PDE1A: variants seen among roughly 807,000 people sequenced by gnomAD.
The protein encoded by PDE1A is dual specificity calcium/calmodulin-dependent 3',5'-cyclic nucleotide phosphodiesterase 1A.
PDE1A carries 35 observed loss-of-function variants against 61.7 expected under a neutral mutation model. That is an observed-to-expected ratio of 0.57 (90% CI 0.43 to 0.75). The LOEUF (loss-of-function observed/expected upper bound fraction) is 0.75. Among genes scored for constraint, PDE1A ranks in the 30% least tolerant of loss-of-function variants. The pLI is 0.00. For missense variants in PDE1A, 597 were observed against 630.6 expected (o/e 0.95, Z 0.57); for synonymous variants, 232 against 213.2 (o/e 1.09, Z -0.77).
At chr2:182,299,689 G>C (rs1462345341) in intron 1 of PDE1A, among the ~76,000 whole-genome samples, 2 of 151,934 alleles carry the variant, frequency 1.3e-5, no homozygotes, top group Admixed American at 1.3e-4. Flanking sequence ...GAAAGCCTCT[G>C]ATATACAGTA....
the PDE1A span, among the ~76,000 whole-genome samples, chr2:182,658,824 T>G: frequency 6.6e-6 from 1 of 152,224 alleles, no homozygotes; most frequent in Non-Finnish European, 1.5e-5. Context: ...GAAGTTTCTC[T>G]TTGTATGCAT....
chr2:182,471,021 AT>A (rs1377437981), intron 2 of PDE1A, among the ~76,000 whole-genome samples: 2 of 151,868 alleles, frequency 1.3e-5, no homozygotes, highest in Non-Finnish European at 2.9e-5. Context: ...ATATACACTT[AT>A]CTAAAAAACC....
chr2:182,645,716 A>T, the PDE1A span, among the ~76,000 whole-genome samples: 1 of 152,242 alleles, frequency 6.6e-6, no homozygotes, highest in Admixed American at 6.5e-5. Flanking sequence ...AAGAAAAAAA[A>T]TTAATATATG....
At chr2:182,369,816 C>T (rs947384919) in intron 1 of PDE1A, among the ~76,000 whole-genome samples, 3 of 152,096 alleles carry the variant, frequency 2.0e-5, no homozygotes, top group African/African-American at 7.2e-5. Flanking sequence ...AAGTGTAGTG[C>T]AAATGGAAGG....
chr2:182,619,721 T>A, the PDE1A span, among the ~76,000 whole-genome samples: 2 of 152,198 alleles, frequency 1.3e-5, no homozygotes, highest in Non-Finnish European at 2.9e-5. Context: ...AGGAGTTTCA[T>A]GCCACTGAGT....
rs148263512 is a variant in PDE1A at position 182,237,947 on chromosome 2, A to G, written c.350+2163T>C. Reference sequence around the variant, plus strand: ...CTAACCAGGCTCAAGTGAATTGGGAAACCTTCTGGTGGTTTGAAGCTTAAG... The same window carrying G: ...CTAACCAGGCTCAAGTGAATTGGGAGACCTTCTGGTGGTTTGAAGCTTAAG... On this transcript the variant is annotated intron_variant, in intron 3 of 13. Coordinates refer to ENST00000351439, the Ensembl canonical transcript of PDE1A. Among the ~76,000 whole-genome samples, 34 of 152,266 alleles carry G rather than the reference A, an allele frequency of 2.2e-4. No individual in the cohort carries two copies. The East Asian group carries it at 6.2e-3, about 28-fold the overall frequency.
chr2:182,581,205 A>G, the PDE1A span, among the ~76,000 whole-genome samples: 326 of 152,306 alleles, frequency 2.1e-3, 2 homozygotes, highest in African/African-American at 6.9e-3. Context: ...ATTGTTGCAC[A>G]AAGTCAGTGA....
chr2:182,630,410 C>A, the PDE1A span, among the ~76,000 whole-genome samples: 1 of 152,126 alleles, frequency 6.6e-6, no homozygotes, highest in Non-Finnish European at 1.5e-5. Flanking sequence ...ATGTTAAATT[C>A]TCATCCATAC....
intron 1 of PDE1A, among the ~76,000 whole-genome samples, chr2:182,353,741 A>C (rs571659828): frequency 6.6e-6 from 1 of 152,182 alleles, no homozygotes; most frequent in East Asian, 1.9e-4. Context: ...AGAATAAAAT[A>C]CTCACTACAT....
At chr2:182,345,686 C>G (rs1698477459) in intron 1 of PDE1A, among the ~76,000 whole-genome samples, 2 of 152,124 alleles carry the variant, frequency 1.3e-5, no homozygotes, top group Non-Finnish European at 1.5e-5. Context: ...TGGTTGTTTC[C>G]TCTGCCAGGA....
At chr2:182,491,682 A>T (rs2125884285) in intron 2 of PDE1A, among the ~76,000 whole-genome samples, 1 of 152,246 alleles carries the variant, frequency 6.6e-6, no homozygotes, top group South Asian at 2.1e-4. Context: ...AATACACCTG[A>T]TCTTGTCTGC....
intron 2 of PDE1A, among the ~76,000 whole-genome samples, chr2:182,504,116 C>T (rs11695445): frequency 0.052 from 7,923 of 152,250 alleles, 248 homozygotes; most frequent in Middle Eastern, 0.099. Context: ...GTGTGACTCA[C>T]GCTGTATACA....
intron 2 of PDE1A, among the ~76,000 whole-genome samples, chr2:182,454,648 G>A (rs1479702636): frequency 2.6e-5 from 4 of 151,610 alleles, no homozygotes; most frequent in Non-Finnish European, 4.4e-5. Flanking sequence ...TGACAAACCT[G>A]ACAAAAACAA....
chr2:182,230,090 C>T (rs776224326), exon 6 of PDE1A: 1 of 1,612,854 alleles, frequency 6.2e-7, no homozygotes, highest in South Asian at 1.1e-5. Context: ...GATTTTTGTA[C>T]TTGCTGTAAC....
At chr2:182,700,241 C>A in the PDE1A span, among the ~76,000 whole-genome samples, 3 of 152,214 alleles carry the variant, frequency 2.0e-5, no homozygotes, top group Admixed American at 2.0e-4. Flanking sequence ...TTCCAAAATA[C>A]AACACACAGC....
chr2:182,161,572 A>G (rs955648828), intron 13 of PDE1A, among the ~76,000 whole-genome samples: 2 of 152,118 alleles, frequency 1.3e-5, no homozygotes, highest in Admixed American at 6.5e-5. Context: ...CCCCTGCAGC[A>G]GTTGCCGGGC....
intron 13 of PDE1A, among the ~76,000 whole-genome samples, chr2:182,147,889 A>G (rs1271538730): frequency 6.6e-6 from 1 of 152,218 alleles, no homozygotes; most frequent in African/African-American, 2.4e-5. Context: ...AAGATATTCT[A>G]ACAATTAAAC....
the PDE1A span, among the ~76,000 whole-genome samples, chr2:182,708,713 TGAGTGGGGACACA>T: frequency 2.6e-5 from 4 of 152,126 alleles, no homozygotes; most frequent in Admixed American, 6.5e-5. Flanking sequence ...AGATGAGATT[TGAGTGGGGACACA>T]GAGCCAAACC....
chr2:182,573,531 A>G, the PDE1A span, among the ~76,000 whole-genome samples: 2 of 152,152 alleles, frequency 1.3e-5, no homozygotes, highest in Non-Finnish European at 2.9e-5. Context: ...CAACAACAAA[A>G]TGCAATGCAG....
Sources: allele counts gnomAD v4.1 joint callset (sites outside exome capture counted in the v4.1 genomes callset), GRCh38; gene constraint gnomAD v4.1.1; transcripts MANE v1.5; gene names NCBI Gene and HGNC (gene_info 2026-07-23, HGNC 2026-07-21).